ORC2: variants seen among roughly 807,000 people sequenced by gnomAD.
The protein encoded by ORC2 is origin recognition complex subunit 2.
Under a neutral mutation model 77.7 loss-of-function variants are expected in ORC2, and 37 were observed. The observed-to-expected ratio is 0.48, with a 90% CI of 0.37 to 0.63. The LOEUF (loss-of-function observed/expected upper bound fraction) is 0.63. Among genes scored for constraint, ORC2 ranks in the 20% least tolerant of loss-of-function variants. The pLI is 0.00. For missense variants in ORC2, 557 were observed against 661.9 expected (o/e 0.84, Z 1.74); for synonymous variants, 201 against 229.5 (o/e 0.88, Z 1.12).
chr2:200,919,323 G>C (rs1388307635), intron 15 of ORC2, among the ~76,000 whole-genome samples: 1 of 152,066 alleles, frequency 6.6e-6, no homozygotes, highest in Non-Finnish European at 1.5e-5. Context: ...GGTAAAGTTT[G>C]TTACTAAAAG....
chr2:200,926,974 C>T (rs2040847396), intron 11 of ORC2, 74 bp from the exon 12 acceptor site: 1 of 1,441,744 alleles, frequency 6.9e-7, no homozygotes, highest in African/African-American at 1.4e-5. Flanking sequence ...CAACCAGTTT[C>T]CTTAAATTCA....
intron 11 of ORC2, among the ~76,000 whole-genome samples, chr2:200,928,072 T>C (rs2040873847): frequency 6.6e-6 from 1 of 152,040 alleles, no homozygotes; most frequent in African/African-American, 2.4e-5. Flanking sequence ...AAAATTATTA[T>C]TGGCCGGGCA....
chr2:200,913,202 T>C lies in ORC2; in HGVS notation c.1647+93A>G, dbSNP rs538822533. The C allele has an allele frequency of 4.2e-5, 37 of 886,188 alleles. No homozygotes were observed. In the African/African-American group the frequency reaches 6.3e-4, roughly 15 times the overall value. The allele number at this position is 886,188 out of a possible 1,614,324, so 54.9% of individuals were successfully genotyped here. On this transcript the variant is annotated intron_variant, in intron 17 of 17. Transcript: ENST00000234296. ...CTGTGACTCAACAGGGAACATCAGT[T>C]TCAAAATCAGGTCTAAGTCAAACAT...
chr2:200,918,168 C>T (rs761625536), intron 15 of ORC2, among the ~76,000 whole-genome samples: 1 of 152,198 alleles, frequency 6.6e-6, no homozygotes, highest in Non-Finnish European at 1.5e-5. Flanking sequence ...CAATATATAT[C>T]GTCACACTAC....
At position 200,909,697 on chromosome 2, in the gene ORC2, TAAAAAAAAAAAAAAAA is replaced by T. The variant is rs570537972; in HGVS notation, c.*1588_*1603del. The T allele has an allele frequency of 7.8e-5, 4 of 51,336 alleles. No individual in the cohort carries two copies. Among genetic ancestry groups the T allele is most frequent in the Non-Finnish European group, 1.1e-4 (3 of 26,164 alleles). 3.2% of individuals were successfully genotyped at this position (51,336 alleles called of 1,614,324 possible). A position where few individuals can be genotyped will look rare whatever the true frequency, so the allele number is the denominator to read the frequency against. On this transcript the variant is annotated 3_prime_UTR_variant, in exon 18 of 18. Transcript: ENST00000234296. Reference sequence around the variant, plus strand: ...GACTGGATGACAGTGCAATTCCATCTAAAAAAAAAAAAAAAAAAAAAAAGACTAAGCCCATGGACTT... The same window carrying T: ...GACTGGATGACAGTGCAATTCCATCTAAAAAAAGACTAAGCCCATGGACTT...
At chr2:200,935,970 G>A in intron 8 of ORC2, 78 bp from the exon 9 acceptor site, 2 of 1,184,050 alleles carry the variant, frequency 1.7e-6, no homozygotes, top group Non-Finnish European at 2.4e-6. Context: ...CAAAGAGTGG[G>A]GGCTCTGTAG....
At chr2:200,963,412 G>C (rs1380543371) in intron 1 of ORC2, 78 bp downstream of exon 1, 1 of 398,586 alleles carries the variant, frequency 2.5e-6, no homozygotes, top group Non-Finnish European at 4.4e-6. Flanking sequence ...CGCGGGGCTG[G>C]GTGCACCTGG....
At chr2:200,928,579 C>T (rs1028770510) in intron 11 of ORC2, among the ~76,000 whole-genome samples, 6 of 151,722 alleles carry the variant, frequency 4.0e-5, no homozygotes, top group South Asian at 4.2e-4. Flanking sequence ...TTTGGGAGGC[C>T]GAGGCGGGCG....
rs56720599 is a variant in ORC2 at position 200,947,940 on chromosome 2, G to A, written c.328+1614C>T. Among the ~76,000 whole-genome samples, 716 of 150,316 alleles carry A rather than the reference G, an allele frequency of 4.8e-3. 4 individuals carry two copies. Among genetic ancestry groups the A allele is most frequent in the African/African-American group, 0.017 (689 of 40,922 alleles). ...CTTTTTTTTTTTGAGACTGAGTCTCGCTCTGTCGCCCAGGCTGGAGTGCAG... is the reference window on the plus strand; with the variant it reads ...CTTTTTTTTTTTGAGACTGAGTCTCACTCTGTCGCCCAGGCTGGAGTGCAG... On this transcript the variant is annotated intron_variant, in intron 5 of 17. Coordinates refer to ENST00000234296, the MANE Select transcript of ORC2 (RefSeq NM_006190.5).
Position 200,926,732 on chromosome 2 carries a change from TATA to T in ORC2, c.1050+33_1050+35del, listed in dbSNP as rs780920851. 30 of 1,604,640 alleles carry T rather than the reference TATA, an allele frequency of 1.9e-5. No homozygotes were observed. The South Asian group carries it at 2.2e-4, about 12-fold the overall frequency. On this transcript the variant is annotated intron_variant, in intron 12 of 17. Transcript: ENST00000234296. The stretch of plus-strand genomic sequence containing the variant: ...TGTGGGGGCTTGAATTGGCAGAGGA[TATA>T]ATGTTTTTCCCTTTAACATTTTTGA...
At chr2:200,962,230 T>G (rs1402550878) in intron 1 of ORC2, among the ~76,000 whole-genome samples, 1 of 152,232 alleles carries the variant, frequency 6.6e-6, no homozygotes. Context: ...AATGCAATAT[T>G]TAGTGACCAT....
intron 17 of ORC2, 62 bp downstream of exon 17, chr2:200,913,233 T>G: frequency 8.1e-7 from 1 of 1,236,260 alleles, no homozygotes. Context: ...AACATATATG[T>G]GTCCTTAAGT....
chr2:200,909,937 A>AT lies in ORC2; in HGVS notation c.*1363dup, dbSNP rs1448529221. 1 of 151,932 alleles carries AT rather than the reference A, an allele frequency of 6.6e-6. No individual in the cohort carries two copies. Among genetic ancestry groups the AT allele is most frequent in the Non-Finnish European group, 1.5e-5 (1 of 67,986 alleles). 9.4% of individuals were successfully genotyped at this position (151,932 alleles called of 1,614,324 possible). On this transcript the variant is annotated 3_prime_UTR_variant, in exon 18 of 18. Coordinates refer to ENST00000234296, the MANE Select transcript of ORC2 (RefSeq NM_006190.5). The stretch of plus-strand genomic sequence containing the variant: ...CCACCATGCCCGGATGATTTTTTAA[A>AT]TTTTTTGTAGAGACAAGGTCTCACT...
At chr2:200,922,396 T>C (rs1309747996) in intron 13 of ORC2, among the ~76,000 whole-genome samples, 1 of 142,758 alleles carries the variant, frequency 7.0e-6, no homozygotes, top group Admixed American at 7.0e-5. Flanking sequence ...AAAAAAAAAA[T>C]TGAAGGCAGG....
intron 7 of ORC2, among the ~76,000 whole-genome samples, chr2:200,938,389 G>A (rs947355519): frequency 5.3e-5 from 8 of 152,128 alleles, no homozygotes; most frequent in Non-Finnish European, 8.8e-5. Flanking sequence ...GAAAGGGAAC[G>A]GGCACCCCTA....
intron 15 of ORC2, among the ~76,000 whole-genome samples, chr2:200,917,880 AAAAT>A (rs2040684422): frequency 6.6e-6 from 1 of 151,884 alleles, no homozygotes; most frequent in Non-Finnish European, 1.5e-5. Context: ...AAATAAATGG[AAAAT>A]AAATTGCTAG....
rs1317696743 is a variant in ORC2 at position 200,935,785 on chromosome 2, T to C, written c.622A>G (p.Ser208Gly). 3 of 1,613,998 alleles carry C rather than the reference T, an allele frequency of 1.9e-6. No individual in the cohort carries two copies. The highest frequency in any genetic ancestry group is 1.3e-5 in the African/African-American group (1 of 74,936). Residue 208 changes from serine to glycine, a missense_variant, in exon 9 of 18, where the codon AGC (serine) becomes GGC (glycine). Coordinates refer to ENST00000234296, the MANE Select transcript of ORC2 (RefSeq NM_006190.5). ...HEEDTNAVIF[S>G]QKIQAQNRVV... is the part of the protein sequence containing the mutation. ...CTATTCTGAGCTTGAATCTTTTGGC[T>C]GAATATGACTGCATTAGTGTCCTCT...
At chr2:200,955,794 T>C (rs2041455215) in intron 4 of ORC2, among the ~76,000 whole-genome samples, 1 of 152,194 alleles carries the variant, frequency 6.6e-6, no homozygotes, top group Admixed American at 6.5e-5. Flanking sequence ...TTTGTCATTA[T>C]TTTTTTAAGC....
At chr2:200,933,854 A>T in intron 10 of ORC2, 22 bp downstream of exon 10, 1 of 1,420,698 alleles carries the variant, frequency 7.0e-7, no homozygotes, top group Non-Finnish European at 9.8e-7. Flanking sequence ...AAAATTTAGA[A>T]GTAACATTCC....
Sources: gnomAD v4.1 joint callset for allele counts (sites outside exome capture counted in the v4.1 genomes callset) on GRCh38, gnomAD v4.1.1 for gene constraint, MANE v1.5 for transcripts, NCBI Gene and HGNC (gene_info 2026-07-23, HGNC 2026-07-21) for gene names.